SPATS1: variants seen among roughly 807,000 people sequenced by gnomAD.
SPATS1 encodes spermatogenesis associated serine rich 1, also known as spermatogenesis-associated serine-rich protein 1.
SPATS1 carries 23 observed loss-of-function variants against 33.6 expected under a neutral mutation model. That is an observed-to-expected ratio of 0.68 (90% confidence interval 0.49 to 0.97). The LOEUF (loss-of-function observed/expected upper bound fraction) is 0.97, where lower values mean the gene tolerates loss of function less well. Among genes scored for constraint, SPATS1 ranks in the 50% least tolerant of loss-of-function variants. The pLI is 0.00. For missense variants in SPATS1, 327 were observed against 361.0 expected (o/e 0.91, Z 0.76); for synonymous variants, 131 against 125.6 (o/e 1.04, Z -0.29).
rs1365335487 is a variant in SPATS1, at chr6:44,378,324, T to A, written c.*1261T>A. 1 of 152,102 alleles carries A rather than the reference T, an allele frequency of 6.6e-6. No individual in the cohort carries two copies. The highest frequency in any genetic ancestry group is 2.4e-5 in the African/African-American group (1 of 41,410). The allele number at this position is 152,102 out of a possible 1,614,324, so 9.4% of individuals were successfully genotyped here. On this transcript the variant is annotated 3_prime_UTR_variant, in exon 9 of 9. Transcript: ENST00000674044. The stretch of plus-strand genomic sequence containing the variant: ...CTAGGGAACCCCCTTGGCTGGCTAA[T>A]GAAGGCTGCAGATCTAGTATCTCCA...
At chr6:44,360,628 C>T (rs1320750404) in intron 4 of SPATS1, 58 bp downstream of exon 4, 4 of 1,597,806 alleles carry the variant, frequency 2.5e-6, no homozygotes, top group Non-Finnish European at 3.4e-6. Flanking sequence ...CAGAAGTCTG[C>T]CATACTGTTG....
chr6:44,368,277 A>G, intron 5 of SPATS1, 102 bp from the exon 6 acceptor site: 2 of 1,161,656 alleles, frequency 1.7e-6, no homozygotes, highest in Non-Finnish European at 2.3e-6. Flanking sequence ...TTTATAATAA[A>G]ATACTAAAAT....
intron 4 of SPATS1, chr6:44,361,516 G>A (rs1463618842): frequency 4.2e-5 from 41 of 985,222 alleles, no homozygotes; most frequent in Non-Finnish European, 4.9e-5. Flanking sequence ...ACAGGTACTT[G>A]TAAGACTGTC....
intron 5 of SPATS1, among the ~76,000 whole-genome samples, chr6:44,367,267 T>C (rs2153369020): frequency 6.6e-6 from 1 of 152,296 alleles, no homozygotes; most frequent in Middle Eastern, 3.4e-3. Context: ...TTTGTATTTT[T>C]AGTAGAGACA....
chr6:44,366,124 TA>T (rs913067056), intron 5 of SPATS1, among the ~76,000 whole-genome samples: 3 of 28,740 alleles, frequency 1.0e-4, no homozygotes, highest in African/African-American at 1.4e-4. Context: ...TATATATATA[TA>T]TATTTTTTTT....
In SPATS1 at chr6:44,370,037, T is replaced by G; in HGVS notation, c.696-14T>G. On this transcript the variant is annotated splice_polypyrimidine_tract_variant and intron_variant, in intron 6 of 8. Transcript: ENST00000674044. The stretch of plus-strand genomic sequence containing the variant: ...TGGCATACCAGTTTTATGATTGCCT[T>G]TTCTGTTTTTCAGAGTGCCTTATGA... The G allele has an allele frequency of 3.1e-6, 5 of 1,607,178 alleles. No individual in the cohort carries two copies. The highest frequency in any genetic ancestry group is 4.3e-6 in the Non-Finnish European group (5 of 1,174,436).
intron 4 of SPATS1, 29 bp from the exon 5 acceptor site, chr6:44,361,802 C>T: frequency 6.2e-7 from 1 of 1,614,094 alleles, no homozygotes; most frequent in Non-Finnish European, 8.5e-7. Context: ...GGGAACAGTG[C>T]TAATGGAAGG....
chr6:44,367,244 C>A (rs944356257), intron 5 of SPATS1, among the ~76,000 whole-genome samples: 6 of 152,184 alleles, frequency 3.9e-5, no homozygotes, highest in Non-Finnish European at 5.9e-5. Flanking sequence ...TGTGCCACCA[C>A]ACCCAGCTAA....
At chr6:44,354,713 C>G (rs1210457120) in intron 3 of SPATS1, among the ~76,000 whole-genome samples, 1 of 152,190 alleles carries the variant, frequency 6.6e-6, no homozygotes, top group Non-Finnish European at 1.5e-5. Context: ...ATCATAATCA[C>G]CCAAAGCCCC....
intron 6 of SPATS1, among the ~76,000 whole-genome samples, chr6:44,369,850 G>C (rs2153369552): frequency 6.9e-6 from 1 of 145,234 alleles, no homozygotes; most frequent in Admixed American, 6.7e-5. Context: ...CCAGCCTTGG[G>C]GACAGAGTGA....
chr6:44,377,338 T>G lies in SPATS1; in HGVS notation c.*275T>G. ...TCTCTCACAATATTACAGTTACCAT[T>G]TTGCTGAACTCTTTGAGAGTGAGTG... is the stretch of plus-strand genomic sequence containing the variant. On this transcript the variant is annotated 3_prime_UTR_variant, in exon 9 of 9. Transcript: ENST00000674044. 1 of 516,612 alleles carries G rather than the reference T, an allele frequency of 1.9e-6. No individual in the cohort carries two copies. The highest frequency in any genetic ancestry group is 2.2e-5 in the South Asian group (1 of 46,008). 32.0% of individuals were successfully genotyped at this position (516,612 alleles called of 1,614,324 possible).
At chr6:44,370,176 T>A in intron 7 of SPATS1, 63 bp downstream of exon 7, 1 of 1,470,006 alleles carries the variant, frequency 6.8e-7, no homozygotes, top group Non-Finnish European at 9.4e-7. Context: ...ATTTTATTGT[T>A]TCCTTATGTG....
At chr6:44,349,573 G>A (rs1363995599) in intron 2 of SPATS1, among the ~76,000 whole-genome samples, 1 of 152,164 alleles carries the variant, frequency 6.6e-6, no homozygotes, top group African/African-American at 2.4e-5. Context: ...AATTCTAAGT[G>A]ATAAAAGCAT....
intron 7 of SPATS1, among the ~76,000 whole-genome samples, chr6:44,375,936 T>C (rs972024047): frequency 6.6e-6 from 1 of 151,576 alleles, no homozygotes; most frequent in African/African-American, 2.4e-5. Context: ...TGAAACCCTG[T>C]CTCTACTAAA....
At chr6:44,357,743 T>C (rs1342039531) in intron 3 of SPATS1, among the ~76,000 whole-genome samples, 1 of 152,218 alleles carries the variant, frequency 6.6e-6, no homozygotes, top group Non-Finnish European at 1.5e-5. Context: ...CCGGCTGGTC[T>C]CGAACTCCTG....
chr6:44,361,010 A>G (rs1021670044), intron 4 of SPATS1, among the ~76,000 whole-genome samples: 12 of 152,218 alleles, frequency 7.9e-5, no homozygotes, highest in African/African-American at 2.9e-4. Context: ...GTGTCAATAC[A>G]TATAGATCTA....
intron 7 of SPATS1, 44 bp downstream of exon 7, chr6:44,370,157 A>T (rs975516892): frequency 3.9e-6 from 6 of 1,529,932 alleles, no homozygotes; most frequent in Admixed American, 1.7e-5. Flanking sequence ...TCTTTATTAA[A>T]TATCGATTAT....
At chr6:44,347,931 G>C (rs1200041838) in intron 2 of SPATS1, among the ~76,000 whole-genome samples, 1 of 151,958 alleles carries the variant, frequency 6.6e-6, no homozygotes, top group Non-Finnish European at 1.5e-5. Context: ...CATTTCTGGA[G>C]CTTAATTTCT....
chr6:44,344,632 AT>A (rs1458134618), intron 2 of SPATS1, among the ~76,000 whole-genome samples: 1 of 152,162 alleles, frequency 6.6e-6, no homozygotes, highest in African/African-American at 2.4e-5. Context: ...AGACAGAGCT[AT>A]TATGACAATC....
Sources: gnomAD v4.1 joint callset for allele counts (sites outside exome capture counted in the v4.1 genomes callset) on GRCh38, gnomAD v4.1.1 for gene constraint, MANE v1.5 for transcripts, NCBI Gene and HGNC (gene_info 2026-07-23, HGNC 2026-07-21) for gene names.